The following ABCA5 variants were observed in gnomAD, a reference collection of about 807,000 sequenced individuals.
ABCA5 encodes ATP binding cassette subfamily A member 5.
In ABCA5, 163 loss-of-function variants were observed where a neutral mutation model predicts 206.0. The observed-to-expected ratio is 0.79, with a 90% CI of 0.70 to 0.90. The LOEUF (loss-of-function observed/expected upper bound fraction) is 0.90. ABCA5 is among the 40% of genes least tolerant of loss of function. The pLI, the probability that ABCA5 is intolerant of heterozygous loss-of-function variation, is 0.00. For synonymous variants in ABCA5, 609 were observed against 613.8 expected, an observed-to-expected ratio of 0.99 and a Z score of 0.11; for missense variants, 1,859 against 1,912.9, an observed-to-expected ratio of 0.97 and a Z score of 0.53.
chr17:69,287,724 C>T lies in ABCA5; in HGVS notation c.1930G>A (p.Gly644Arg), dbSNP rs1481472005. ...ATATGTCGAGAACAGGGGTCCATTC[C>T]AGCTGTTGGTTCATCTAGCAGCAGT... ...KILLLDEPTAGMDPCSRHIVW... is the reference protein window; with the variant it reads ...KILLLDEPTARMDPCSRHIVW... The change falls in exon 15 of 39, where the codon GGA becomes AGA. Residue 644 changes from glycine to arginine, a missense_variant. By Grantham distance (125) the Gly-to-Arg change is moderately radical. Coordinates refer to ENST00000392676, the MANE Select transcript of ABCA5 (RefSeq NM_172232.4). 1 of 1,613,142 alleles carries T rather than the reference C, an allele frequency of 6.2e-7. No individual in the cohort carries two copies. Among genetic ancestry groups the T allele is most frequent in the African/African-American group, 1.3e-5 (1 of 74,860 alleles).
intron 33 of ABCA5, 42 bp from the exon 34 acceptor site, chr17:69,253,709 T>C: frequency 6.3e-7 from 1 of 1,588,732 alleles, no homozygotes; most frequent in Non-Finnish European, 8.6e-7. Context: ...TAACAAAGGT[T>C]CACTATAAGG....
At chr17:69,308,111 G>T (rs2075736362) in intron 5 of ABCA5, among the ~76,000 whole-genome samples, 169 bp downstream of exon 5, 1 of 134,442 alleles carries the variant, frequency 7.4e-6, no homozygotes, top group South Asian at 2.6e-4. Context: ...ACAACAAAAA[G>T]TACCAAATCA....
chr17:69,322,582 T>C (rs1051042067), intron 1 of ABCA5, among the ~76,000 whole-genome samples: 12 of 152,166 alleles, frequency 7.9e-5, no homozygotes, highest in Non-Finnish European at 1.6e-4. Flanking sequence ...TTATACCTAC[T>C]GCCTTTGTTA....
chr17:69,297,861 C>T (rs1598190027), intron 9 of ABCA5, among the ~76,000 whole-genome samples: 1 of 152,072 alleles, frequency 6.6e-6, no homozygotes, highest in Non-Finnish European at 1.5e-5. Flanking sequence ...AGCAACAAAA[C>T]AACAGGATAG....
chr17:69,291,162 C>T, intron 12 of ABCA5, 54 bp downstream of exon 12: 3 of 1,195,974 alleles, frequency 2.5e-6, no homozygotes, highest in South Asian at 1.7e-5. Flanking sequence ...ATTCAATACA[C>T]ATTTAAAGAA....
chr17:69,314,719 CAGA>C (rs2075799951), intron 1 of ABCA5: 1 of 244,644 alleles, frequency 4.1e-6, no homozygotes, highest in Admixed American at 5.5e-5. Context: ...GAGGCAGCTC[CAGA>C]AGAAGCCTTA....
intron 34 of ABCA5, 28 bp downstream of exon 34, chr17:69,253,545 T>C (rs768296243): frequency 4.8e-6 from 7 of 1,445,488 alleles, no homozygotes; most frequent in Admixed American, 3.4e-5. Context: ...TAAAGTATCA[T>C]GTACTGTGTC....
rs1205113429 is a variant in ABCA5, at chr17:69,289,210, C to T, written c.1869G>A (p.Leu623=). The T allele has an allele frequency of 6.2e-7, 1 of 1,608,830 alleles. No individual in the cohort carries two copies. The highest frequency in any genetic ancestry group is 8.5e-7 in the Non-Finnish European group (1 of 1,177,928). The part of the protein sequence containing the change: ...KKLSGGQKRK[L]SLGIAVLGNP... ...TCCCAAGAACAGCAATTCCTAATGA[C>T]AGCTTTCTTTTTTGACCACCACTTA... The change falls in exon 14 of 39, where the codon CTG becomes CTA. Residue 623 remains leucine (L), a synonymous_variant. Transcript: ENST00000392676.
rs1020808743 is a variant in ABCA5 at position 69,289,861 on chromosome 17, C to A, written c.1782+1G>T. Reference sequence around the variant, plus strand: ...TAAAGATTTCTATATGAATAGCATACTTCTTGTATTATATTGTTGGCTGGT... The same window carrying A: ...TAAAGATTTCTATATGAATAGCATAATTCTTGTATTATATTGTTGGCTGGT... On this transcript the variant is annotated splice_donor_variant, in intron 13 of 38. Transcript: ENST00000392676. LOFTEE classifies it high-confidence loss of function. The A allele has an allele frequency of 6.3e-7, 1 of 1,594,846 alleles. No individual in the cohort carries two copies. The highest frequency in any genetic ancestry group is 1.1e-5 in the South Asian group (1 of 88,888).
At chr17:69,309,218 A>G in intron 4 of ABCA5, 44 bp downstream of exon 4, 1 of 1,436,670 alleles carries the variant, frequency 7.0e-7, no homozygotes, top group Non-Finnish European at 9.3e-7. Flanking sequence ...AGCAGCAAAG[A>G]TATGCATTTA....
chr17:69,304,636 T>A, intron 7 of ABCA5, 33 bp downstream of exon 7: 1 of 1,491,612 alleles, frequency 6.7e-7, no homozygotes. Context: ...ATTTTGACAG[T>A]TCTTTATTCC....
Position 69,290,122 on chromosome 17 carries a change from G to T in ABCA5, c.1607-85C>A. The stretch of plus-strand genomic sequence containing the variant: ...AGTATCCTGATAACTTAGTTATTTG[G>T]TTATAACAGACATATAAGGTAAAAA... On this transcript the variant is annotated intron_variant, in intron 12 of 38. Transcript: ENST00000392676. 4.2e-6 allele frequency: 4 copies of T among 945,210 alleles called. No homozygotes were observed. The South Asian group carries it at 9.0e-5, about 21-fold the overall frequency. 58.6% of individuals were successfully genotyped at this position (945,210 alleles called of 1,614,324 possible).
At chr17:69,316,402 G>A (rs143925868) in intron 1 of ABCA5, among the ~76,000 whole-genome samples, 18 of 151,820 alleles carry the variant, frequency 1.2e-4, no homozygotes, top group Non-Finnish European at 2.4e-4. Flanking sequence ...CAAAAGAATC[G>A]CTTGAACCCA....
Position 69,267,989 on chromosome 17 carries a change from G to GT in ABCA5, c.3097dup (p.Thr1033AsnfsTer16). The GT allele has an allele frequency of 1.2e-6, 2 of 1,611,836 alleles. No homozygotes were observed. The highest frequency in any genetic ancestry group is 1.7e-6 in the Non-Finnish European group (2 of 1,178,490). On this transcript the variant is annotated frameshift_variant, in exon 23 of 39. Transcript: ENST00000392676. LOFTEE classifies it high-confidence loss of function. Reference sequence around the variant, plus strand: ...CATGGCAAAGTAAGGTGGCATTGCAGTAACAATGATTCCAAGCAAAGCTGC... The same window carrying GT: ...CATGGCAAAGTAAGGTGGCATTGCAGTTAACAATGATTCCAAGCAAAGCTGC...
At chr17:69,254,275 C>G in intron 32 of ABCA5, 40 bp downstream of exon 32, 1 of 1,507,696 alleles carries the variant, frequency 6.6e-7, no homozygotes, top group Non-Finnish European at 9.0e-7. Context: ...GCAAACCTTT[C>G]CTCTAAGTAA....
At chr17:69,299,455 T>TACACACACACACAC (rs779059294) in intron 9 of ABCA5, among the ~76,000 whole-genome samples, 13 of 62,616 alleles carry the variant, frequency 2.1e-4, no homozygotes, top group Non-Finnish European at 2.4e-4. Flanking sequence ...GAAAATGTGA[T>TACACACACACACAC]ACACACACAC....
chr17:69,273,773 G>T (rs1485874393), intron 20 of ABCA5, among the ~76,000 whole-genome samples, 186 bp downstream of exon 20: 1 of 151,962 alleles, frequency 6.6e-6, no homozygotes, highest in African/African-American at 2.4e-5. Flanking sequence ...TCATTTATTT[G>T]TAAACCAAAA....
rs1375286168 is a variant in ABCA5, at chr17:69,250,452, C to T, written c.4685+20G>A. 1.3e-6 allele frequency: 2 copies of T among 1,589,382 alleles called. No homozygotes were observed. Among genetic ancestry groups the T allele is most frequent in the Admixed American group, 1.9e-5 (1 of 54,022 alleles). On this transcript the variant is annotated intron_variant, in intron 36 of 38. Coordinates refer to ENST00000392676, the MANE Select transcript of ABCA5 (RefSeq NM_172232.4). ...CCTTTGCTCTATAAAGAAATATAAC[C>T]ACATTCTTTAAAATTTTACCTTTCC... is the stretch of plus-strand genomic sequence containing the variant.
In ABCA5 at chr17:69,245,170, AAAAC is replaced by A. The variant is rs1340409519; in HGVS notation, c.*2363_*2366del. ...TAAAGAAAACCCACTGTCTTTACTG[AAAAC>A]AAACTAGAAAAAAAAATTAAGAGCC... On this transcript the variant is annotated 3_prime_UTR_variant, in exon 39 of 39. Coordinates refer to ENST00000392676, the MANE Select transcript of ABCA5 (RefSeq NM_172232.4). The A allele has an allele frequency of 4.6e-5, 7 of 151,954 alleles. No homozygotes were observed. Among genetic ancestry groups the A allele is most frequent in the East Asian group, 3.9e-4 (2 of 5,192 alleles). 9.4% of individuals were successfully genotyped at this position (151,954 alleles called of 1,614,324 possible). A position where few individuals can be genotyped will look rare whatever the true frequency, so the allele number is the denominator to read the frequency against.
Sources: gnomAD v4.1 joint callset for allele counts (sites outside exome capture counted in the v4.1 genomes callset) on GRCh38, gnomAD v4.1.1 for gene constraint, MANE v1.5 for transcripts, NCBI Gene and HGNC (gene_info 2026-07-23, HGNC 2026-07-21) for gene names.